Variants in DOCK2 observed in about 807,000 individuals in gnomAD.
DOCK2 encodes the protein dedicator of cytokinesis protein 2.
Under a neutral mutation model 248.9 loss-of-function variants are expected in DOCK2, and 87 were observed. That is an observed-to-expected ratio of 0.35 (90% CI 0.29 to 0.42). The LOEUF (loss-of-function observed/expected upper bound fraction) is 0.42. Ranked by LOEUF, DOCK2 falls within the 10% of genes least tolerant of loss-of-function variation. The pLI, the probability that DOCK2 is intolerant of heterozygous loss-of-function variation, is 1.00. For synonymous variants in DOCK2, 805 were observed against 821.6 expected (o/e 0.98, Z 0.35); for missense variants, 1,747 against 2,300.2 (o/e 0.76, Z 4.92).
At chr5:169,741,549 G>A (rs1763302859) in intron 22 of DOCK2, among the ~76,000 whole-genome samples, 2 of 152,136 alleles carry the variant, frequency 1.3e-5, no homozygotes, top group South Asian at 2.1e-4. Flanking sequence ...AGATTCAATG[G>A]TTCTTTTTGT....
At chr5:169,787,142 C>T (rs908258069) in intron 25 of DOCK2, among the ~76,000 whole-genome samples, 9 of 152,152 alleles carry the variant, frequency 5.9e-5, no homozygotes, top group African/African-American at 1.2e-4. Context: ...AGACAATAAC[C>T]GATATTCCAC....
At chr5:169,890,472 A>G (rs1773219029) in intron 27 of DOCK2, among the ~76,000 whole-genome samples, 1 of 152,216 alleles carries the variant, frequency 6.6e-6, no homozygotes, top group Non-Finnish European at 1.5e-5. Context: ...TGGTCCAAGT[A>G]TCCACTTATC....
intron 26 of DOCK2, among the ~76,000 whole-genome samples, chr5:169,821,453 G>A (rs1768433245): frequency 5.9e-5 from 9 of 152,148 alleles, no homozygotes; most frequent in Admixed American, 5.9e-4. Context: ...AGAAGAGAGT[G>A]GGGGCCAATA....
chr5:169,778,164 A>G (rs896035731), intron 25 of DOCK2, among the ~76,000 whole-genome samples: 1 of 152,228 alleles, frequency 6.6e-6, no homozygotes, highest in African/African-American at 2.4e-5. Context: ...TCTTACTAAC[A>G]CACAGAGGTG....
intron 35 of DOCK2, among the ~76,000 whole-genome samples, chr5:170,036,006 G>C (rs1756310289): frequency 6.6e-6 from 1 of 152,140 alleles, no homozygotes. Context: ...CCTACGTATT[G>C]CCAAGTTTAA....
intron 25 of DOCK2, among the ~76,000 whole-genome samples, chr5:169,792,972 G>A (rs1766439175): frequency 6.6e-6 from 1 of 152,158 alleles, no homozygotes; most frequent in South Asian, 2.1e-4. Flanking sequence ...CAAGTGCAGT[G>A]GGGTAACTAA....
chr5:169,995,028 TA>T (rs1395459174), intron 29 of DOCK2, among the ~76,000 whole-genome samples: 28 of 91,728 alleles, frequency 3.1e-4, no homozygotes, highest in South Asian at 1.1e-3. Context: ...TGTTATTTTT[TA>T]TTTTTTTTTT....
At chr5:169,945,520 C>T (rs1776412444) in intron 27 of DOCK2, among the ~76,000 whole-genome samples, 1 of 152,244 alleles carries the variant, frequency 6.6e-6, no homozygotes, top group Admixed American at 6.5e-5. Context: ...TGCAATCTTC[C>T]CAGGCGTTCT....
At chr5:169,878,223 C>A (rs75371428) in intron 27 of DOCK2, among the ~76,000 whole-genome samples, 2 of 152,106 alleles carry the variant, frequency 1.3e-5, no homozygotes, top group Admixed American at 1.3e-4. Context: ...TGAAAAGGAG[C>A]CGATTCCTTA....
At chr5:169,931,937 A>G (rs576058326) in intron 27 of DOCK2, among the ~76,000 whole-genome samples, 2 of 152,142 alleles carry the variant, frequency 1.3e-5, no homozygotes, top group Non-Finnish European at 2.9e-5. Flanking sequence ...TCACTCATTC[A>G]TGTATTCAAC....
At chr5:169,927,656 G>A (rs773125850) in intron 27 of DOCK2, among the ~76,000 whole-genome samples, 17 of 152,190 alleles carry the variant, frequency 1.1e-4, no homozygotes, top group South Asian at 2.1e-4. Flanking sequence ...TCGCTCTGTC[G>A]CCCAGGCTGG....
At chr5:169,973,680 G>A (rs992072448) in intron 27 of DOCK2, among the ~76,000 whole-genome samples, 1 of 152,156 alleles carries the variant, frequency 6.6e-6, no homozygotes, top group Admixed American at 6.5e-5. Context: ...TGCGGTATTG[G>A]TACCTCATAC....
intron 28 of DOCK2, among the ~76,000 whole-genome samples, chr5:169,984,458 C>T (rs1468592621): frequency 6.6e-6 from 1 of 152,180 alleles, no homozygotes; most frequent in Non-Finnish European, 1.5e-5. Flanking sequence ...GTCACAGTCA[C>T]CCTTTGAAGT....
chr5:169,732,005 G>A (rs1461966429), intron 22 of DOCK2, among the ~76,000 whole-genome samples: 1 of 152,124 alleles, frequency 6.6e-6, no homozygotes, highest in Admixed American at 6.6e-5. Flanking sequence ...TGAAGTCCCA[G>A]CTACTCGGGA....
intron 23 of DOCK2, among the ~76,000 whole-genome samples, chr5:169,759,330 G>A (rs528396723): frequency 2.5e-4 from 38 of 152,254 alleles, no homozygotes; most frequent in African/African-American, 7.9e-4. Flanking sequence ...TTTAATCTTC[G>A]CAATCCTTCA....
At chr5:169,897,410 C>T (rs755318597) in intron 27 of DOCK2, among the ~76,000 whole-genome samples, 1 of 152,096 alleles carries the variant, frequency 6.6e-6, no homozygotes. Flanking sequence ...GGGATGGTCT[C>T]GATCTCCTAA....
chr5:169,747,076 G>C (rs1343170158), intron 22 of DOCK2, among the ~76,000 whole-genome samples: 1 of 152,140 alleles, frequency 6.6e-6, no homozygotes, highest in East Asian at 1.9e-4. Flanking sequence ...TCTTTCCTCT[G>C]ATTCTTGCAG....
chr5:169,946,568 T>C (rs1776459030), intron 27 of DOCK2, among the ~76,000 whole-genome samples: 1 of 152,200 alleles, frequency 6.6e-6, no homozygotes, highest in Non-Finnish European at 1.5e-5. Context: ...CATCCATTCA[T>C]TCATTCATTC....
At chr5:169,784,096 T>C (rs1260268974) in intron 25 of DOCK2, among the ~76,000 whole-genome samples, 2 of 151,004 alleles carry the variant, frequency 1.3e-5, no homozygotes, top group Admixed American at 6.7e-5. Context: ...TCAGGTTCTG[T>C]TGTGCGTGGA....
Sources: gnomAD v4.1 joint callset for allele counts (sites outside exome capture counted in the v4.1 genomes callset) on GRCh38, gnomAD v4.1.1 for gene constraint, MANE v1.5 for transcripts, NCBI Gene and HGNC (gene_info 2026-07-23, HGNC 2026-07-21) for gene names.